The following RAB11FIP4 variants were observed in gnomAD, a reference collection of about 807,000 sequenced individuals.
RAB11FIP4 encodes the protein rab11 family-interacting protein 4.
A neutral mutation model predicts 74.3 loss-of-function variants in RAB11FIP4; 23 were observed. The ratio of observed to expected loss-of-function variants is 0.31; its 90% CI spans 0.22 to 0.44. RAB11FIP4 has a LOEUF of 0.44. Ranked by LOEUF, RAB11FIP4 falls within the 20% of genes least tolerant of loss-of-function variation. The pLI, the probability that RAB11FIP4 is intolerant of heterozygous loss-of-function variation, is 1.00. For synonymous variants in RAB11FIP4, 360 were observed against 359.9 expected, an observed-to-expected ratio of 1.00 and a Z score of 0.00; for missense variants, 630 against 863.9, an observed-to-expected ratio of 0.73 and a Z score of 3.39.
At chr17:31,474,499 C>T (rs115270528) in intron 3 of RAB11FIP4, among the ~76,000 whole-genome samples, 1 of 152,070 alleles carries the variant, frequency 6.6e-6, no homozygotes, top group African/African-American at 2.4e-5. Context: ...TGATGAAACC[C>T]ATCTCTACTG....
At chr17:31,428,822 G>A (rs1028542768) in intron 1 of RAB11FIP4, among the ~76,000 whole-genome samples, 5 of 152,220 alleles carry the variant, frequency 3.3e-5, no homozygotes, top group African/African-American at 9.6e-5. Flanking sequence ...CGTGCCTGTA[G>A]TCCCAGCTAC....
intron 1 of RAB11FIP4, among the ~76,000 whole-genome samples, chr17:31,400,797 G>C (rs2070977915): frequency 1.3e-5 from 2 of 152,216 alleles, no homozygotes; most frequent in Non-Finnish European, 2.9e-5. Context: ...TGAGACCTGA[G>C]TGCAGCTGTG....
chr17:31,444,479 G>A (rs555871082), intron 3 of RAB11FIP4, among the ~76,000 whole-genome samples: 2 of 152,294 alleles, frequency 1.3e-5, no homozygotes, highest in Admixed American at 6.5e-5. Flanking sequence ...GGGGATGGAA[G>A]CAGTGCAGAT....
At chr17:31,416,976 C>A (rs1460943892) in intron 1 of RAB11FIP4, among the ~76,000 whole-genome samples, 1 of 151,988 alleles carries the variant, frequency 6.6e-6, no homozygotes. Flanking sequence ...CTCTTTCAGG[C>A]CTGTTCCCTC....
intron 1 of RAB11FIP4, chr17:31,392,255 C>T: frequency 3.0e-6 from 1 of 330,950 alleles, no homozygotes; most frequent in East Asian, 4.5e-5. Flanking sequence ...GTGGCTTCTG[C>T]GCCCACCTTC....
intron 3 of RAB11FIP4, among the ~76,000 whole-genome samples, chr17:31,483,280 C>A (rs2071869239): frequency 6.6e-6 from 1 of 150,664 alleles, no homozygotes; most frequent in Non-Finnish European, 1.5e-5. Context: ...TAAGATGGAC[C>A]AGGTTTGACT....
At chr17:31,416,805 T>C (rs1387962273) in intron 1 of RAB11FIP4, among the ~76,000 whole-genome samples, 1 of 152,088 alleles carries the variant, frequency 6.6e-6, no homozygotes, top group Non-Finnish European at 1.5e-5. Context: ...GACTGGCGGT[T>C]TGGCTACTTC....
rs564114487 is a variant in RAB11FIP4, at chr17:31,511,659, C to T, written c.337-5992C>T. Among the ~76,000 whole-genome samples the T allele has an allele frequency of 2.6e-5, 4 of 152,332 alleles. No individual in the cohort carries two copies. The South Asian group carries it at 8.3e-4, about 32-fold the overall frequency. On this transcript the variant is annotated intron_variant, in intron 3 of 14. Transcript: ENST00000621161. ...TGTCAGCTCAGGGAAACGCAGGGTG[C>T]TGGCGTGTGCCTGTGAGGTGGCTCC...
At chr17:31,433,610 C>T (rs907003161) in intron 2 of RAB11FIP4, among the ~76,000 whole-genome samples, 1 of 152,190 alleles carries the variant, frequency 6.6e-6, no homozygotes. Context: ...GCGGGCAGCC[C>T]TGTCCTGGAC....
At chr17:31,502,093 G>A (rs1447368056) in intron 3 of RAB11FIP4, among the ~76,000 whole-genome samples, 1 of 151,970 alleles carries the variant, frequency 6.6e-6, no homozygotes, top group East Asian at 1.9e-4. Flanking sequence ...GCGTGGTGGT[G>A]GGCACCTGTA....
Position 31,536,268 on chromosome 17 carries a change from G to A in RAB11FIP4, c.*4536G>A, listed in dbSNP as rs1229641030. The A allele has an allele frequency of 1.3e-5, 2 of 152,204 alleles. No homozygotes were observed. The highest frequency in any genetic ancestry group is 4.8e-5 in the African/African-American group (2 of 41,434). The allele number at this position is 152,204 out of a possible 1,614,324, so 9.4% of individuals were successfully genotyped here. A position where few individuals can be genotyped will look rare whatever the true frequency, so the allele number is the denominator to read the frequency against. On this transcript the variant is annotated 3_prime_UTR_variant, in exon 15 of 15. Coordinates refer to ENST00000621161, the MANE Select transcript of RAB11FIP4 (RefSeq NM_032932.6). ...CCAGCACTTTGGGAGGCCAAGGCAG[G>A]TGGATTGCCTGAGCTCAGGAGTTCG...
chr17:31,421,060 G>A (rs2151623681), intron 1 of RAB11FIP4, among the ~76,000 whole-genome samples: 1 of 152,094 alleles, frequency 6.6e-6, no homozygotes, highest in Middle Eastern at 3.4e-3. Context: ...CTCCAGCCTA[G>A]GCAACAAGAG....
intron 3 of RAB11FIP4, among the ~76,000 whole-genome samples, chr17:31,451,136 A>G (rs1168063344): frequency 6.6e-6 from 1 of 152,118 alleles, no homozygotes; most frequent in Admixed American, 6.6e-5. Context: ...TTTGTGGTCC[A>G]TATGACACCG....
intron 1 of RAB11FIP4, among the ~76,000 whole-genome samples, chr17:31,413,990 C>T (rs1456837104): frequency 5.9e-5 from 9 of 152,250 alleles, no homozygotes; most frequent in African/African-American, 2.2e-4. Flanking sequence ...TGACCAGCGT[C>T]CAGGCATGCT....
intron 3 of RAB11FIP4, among the ~76,000 whole-genome samples, chr17:31,468,908 G>T (rs2071711988): frequency 6.6e-6 from 1 of 152,040 alleles, no homozygotes; most frequent in Non-Finnish European, 1.5e-5. Context: ...GGGCCCCTCT[G>T]GAGCACGTGA....
chr17:31,526,187 T>G (rs1597984476), intron 10 of RAB11FIP4: 1 of 152,366 alleles, frequency 6.6e-6, no homozygotes, highest in Non-Finnish European at 1.5e-5. Flanking sequence ...TGGAGGCTGG[T>G]GCCTAGTTAA....
In RAB11FIP4 at chr17:31,534,086, C is replaced by T. The variant is rs1276604879; in HGVS notation, c.*2354C>T. ...TGCCCCAGGTGTCCCAGCTCCACAG[C>T]CCCTGGCAGATCCCAGACCCCTTGG... On this transcript the variant is annotated 3_prime_UTR_variant, in exon 15 of 15. Coordinates refer to ENST00000621161, the MANE Select transcript of RAB11FIP4 (RefSeq NM_032932.6). 6.6e-6 allele frequency: 1 copy of T among 152,268 alleles called. No individual in the cohort carries two copies. Among genetic ancestry groups the T allele is most frequent in the Non-Finnish European group, 1.5e-5 (1 of 68,082 alleles). The allele number at this position is 152,268 out of a possible 1,614,324, so 9.4% of individuals were successfully genotyped here.
In RAB11FIP4 at chr17:31,534,187, GGTA is replaced by G. The variant is rs1457653564; in HGVS notation, c.*2460_*2462del. The stretch of plus-strand genomic sequence containing the variant: ...TTACCCCTCAGTAGTGGGGCTGCGA[GGTA>G]GTAGACAGGATGCCCAGTTAAGTTT... On this transcript the variant is annotated 3_prime_UTR_variant, in exon 15 of 15. Transcript: ENST00000621161. 6.6e-6 allele frequency: 1 copy of G among 152,128 alleles called. No individual in the cohort carries two copies. The highest frequency in any genetic ancestry group is 1.5e-5 in the Non-Finnish European group (1 of 68,030). The allele number at this position is 152,128 out of a possible 1,614,324, so 9.4% of individuals were successfully genotyped here.
chr17:31,423,437 G>A (rs567529729), intron 1 of RAB11FIP4, among the ~76,000 whole-genome samples: 5 of 152,264 alleles, frequency 3.3e-5, no homozygotes, highest in African/African-American at 1.2e-4. Context: ...GCATGATCAT[G>A]GCTCACTGCA....
Sources: allele counts gnomAD v4.1 joint callset (sites outside exome capture counted in the v4.1 genomes callset), GRCh38; gene constraint gnomAD v4.1.1; transcripts MANE v1.5; gene names NCBI Gene and HGNC (gene_info 2026-07-23, HGNC 2026-07-21).